The following PLEKHM2 variants were observed in gnomAD, a reference collection of about 807,000 sequenced individuals.
PLEKHM2 encodes pleckstrin homology domain-containing family M member 2.
Under a neutral mutation model 116.3 loss-of-function variants are expected in PLEKHM2, and 77 were observed. The observed-to-expected ratio is 0.66, with a 90% CI of 0.55 to 0.80. PLEKHM2 has a LOEUF of 0.80. PLEKHM2 is among the 30% of genes least tolerant of loss of function. The probability of loss-of-function intolerance (pLI) is 0.00; values close to 1 mark genes in which losing one functional copy is unlikely to be tolerated. For missense variants in PLEKHM2, 1,183 were observed against 1,354.9 expected (o/e 0.87, Z 1.99); for synonymous variants, 562 against 571.0 (o/e 0.98, Z 0.22).
At chr1:15,731,355 C>G in intron 16 of PLEKHM2, 98 bp downstream of exon 16, 1 of 906,968 alleles carries the variant, frequency 1.1e-6, no homozygotes, top group Non-Finnish European at 1.8e-6. Flanking sequence ...GCCTCGCCCT[C>G]AACCCCACCC....
intron 1 of PLEKHM2, among the ~76,000 whole-genome samples, chr1:15,698,698 C>T (rs969520843): frequency 7.2e-5 from 11 of 151,856 alleles, no homozygotes; most frequent in African/African-American, 2.2e-4. Context: ...CAGGTGCGCA[C>T]CACCACACCT....
Position 15,728,385 on chromosome 1 carries a change from G to A in PLEKHM2, c.1921+28G>A. 6.3e-7 allele frequency: 1 copy of A among 1,586,936 alleles called. No homozygotes were observed. Among genetic ancestry groups the A allele is most frequent in the Non-Finnish European group, 8.6e-7 (1 of 1,159,514 alleles). On this transcript the variant is annotated intron_variant, in intron 11 of 19. Coordinates refer to ENST00000375799, the MANE Select transcript of PLEKHM2 (RefSeq NM_015164.4). This position sits in a 1 kb window ranked among gnomAD's most constrained non-coding sequence, Gnocchi z 5.9. ...GCCCGCCGCCCCCGGGCAGACAGCGGGTTGTAGACGAGGCTGACTCTCAGC... is the reference window on the plus strand; with the variant it reads ...GCCCGCCGCCCCCGGGCAGACAGCGAGTTGTAGACGAGGCTGACTCTCAGC...
At chr1:15,709,030 G>A (rs1641277861) in intron 1 of PLEKHM2, among the ~76,000 whole-genome samples, 1 of 152,170 alleles carries the variant, frequency 6.6e-6, no homozygotes, top group Non-Finnish European at 1.5e-5. Flanking sequence ...AGTTTCGAGA[G>A]GTTAGGTAAC....
chr1:15,707,630 T>C (rs1414094150), intron 1 of PLEKHM2, among the ~76,000 whole-genome samples: 1 of 152,182 alleles, frequency 6.6e-6, no homozygotes, highest in African/African-American at 2.4e-5. Context: ...TCAGAACCAC[T>C]TGGCAGTCTG....
At position 15,733,951 on chromosome 1, in the gene PLEKHM2, G is replaced by A. The variant is rs373277994; in HGVS notation, c.*17G>A. On this transcript the variant is annotated 3_prime_UTR_variant, in exon 20 of 20. Coordinates refer to ENST00000375799, the MANE Select transcript of PLEKHM2 (RefSeq NM_015164.4). ...TGGTGCTGAGGCAGAGCTGGTTGGC[G>A]TCCCTGGTGGGCAGGAAAGGAAGGC... The A allele has an allele frequency of 3.7e-5, 60 of 1,605,796 alleles. 1 individual carries two copies. The Middle Eastern group carries it at 6.6e-4, about 18-fold the overall frequency.
chr1:15,726,346 A>G (rs77072244), intron 8 of PLEKHM2, among the ~76,000 whole-genome samples: 4,100 of 152,238 alleles, frequency 0.027, 182 homozygotes, highest in African/African-American at 0.09. Context: ...ACCCCCTCTT[A>G]AAACTTCACA....
intron 1 of PLEKHM2, among the ~76,000 whole-genome samples, chr1:15,697,041 G>A (rs141413697): frequency 6.6e-6 from 1 of 152,272 alleles, no homozygotes; most frequent in Non-Finnish European, 1.5e-5. Context: ...GGTGGGGGAG[G>A]CACTCATGAG....
intron 1 of PLEKHM2, among the ~76,000 whole-genome samples, chr1:15,703,668 A>G (rs1641163867): frequency 6.6e-6 from 1 of 152,202 alleles, no homozygotes; most frequent in Non-Finnish European, 1.5e-5. Context: ...AAGATCAGAG[A>G]GAGACGGGAC....
At position 15,732,596 on chromosome 1, in the gene PLEKHM2, G is replaced by C. The variant is rs1401764036; in HGVS notation, c.2806-16G>C. On this transcript the variant is annotated splice_polypyrimidine_tract_variant and intron_variant, in intron 18 of 19. Transcript: ENST00000375799. ...GAAAGCTCTGGCTGCTCACCCGGGGGCCTGGCTCTCCCTAGGAGTTCTCCC... is the reference window on the plus strand; with the variant it reads ...GAAAGCTCTGGCTGCTCACCCGGGGCCCTGGCTCTCCCTAGGAGTTCTCCC... 6.3e-6 allele frequency: 10 copies of C among 1,597,508 alleles called. No homozygotes were observed. Among genetic ancestry groups the C allele is most frequent in the Non-Finnish European group, 6.8e-6 (8 of 1,172,072 alleles).
intron 1 of PLEKHM2, among the ~76,000 whole-genome samples, chr1:15,698,071 A>G (rs574781382): frequency 2.6e-5 from 4 of 152,344 alleles, no homozygotes; most frequent in African/African-American, 9.6e-5. Context: ...CCTTTATGAC[A>G]GCTCTACACG....
rs763524736 is a variant in PLEKHM2 at position 15,725,462 on chromosome 1, C to T, written c.858C>T (p.Thr286=). Reference sequence around the variant, plus strand: ...AGACTGTGTCCTCCTCTGACACCACCCCCGTGCACACCACCTCTCAGGAGA... The same window carrying T: ...AGACTGTGTCCTCCTCTGACACCACTCCCGTGCACACCACCTCTCAGGAGA... ...PAETVSSSDT[T]PVHTTSQEKE... is the part of the protein sequence containing the mutation. The change falls in exon 8 of 20, where the codon ACC becomes ACT. Residue 286 remains threonine (T), a synonymous_variant. Coordinates refer to ENST00000375799, the MANE Select transcript of PLEKHM2 (RefSeq NM_015164.4). The T allele has an allele frequency of 2.2e-5, 34 of 1,576,838 alleles. No individual in the cohort carries two copies. In the Admixed American group the frequency reaches 3.6e-4, roughly 17 times the overall value.
Position 15,700,486 on chromosome 1 carries a change from C to G in PLEKHM2, c.61-15751C>G, listed in dbSNP as rs142792821. 8.9e-4 allele frequency among the ~76,000 whole-genome samples: 135 copies of G among 152,286 alleles called. 2 individuals carry two copies. The East Asian group carries it at 0.023, about 25-fold the overall frequency. On this transcript the variant is annotated intron_variant, in intron 1 of 19. Coordinates refer to ENST00000375799, the MANE Select transcript of PLEKHM2 (RefSeq NM_015164.4). ...CCTGTCTCCCTGGGCTCCGGTCTCC[C>G]TGCCTATAAAATGAGGGTTGTGGCT... is the stretch of plus-strand genomic sequence containing the variant.
At position 15,725,479 on chromosome 1, in the gene PLEKHM2, C is replaced by T; in HGVS notation, c.875C>T (p.Ser292Phe). Residue 292 changes from serine (S) to phenylalanine (F), a missense_variant, in exon 8 of 20, where the codon TCT (serine) becomes TTT (phenylalanine). By Grantham distance (155) the Ser-to-Phe change is radical (BLOSUM62 -2). Transcript: ENST00000375799. ...SSDTTPVHTT[S>F]QEKEEAQALD... ...GACACCACCCCCGTGCACACCACCT[C>T]TCAGGAGAAGGAGGAGGCCCAGGCC... The T allele has an allele frequency of 6.3e-7, 1 of 1,581,278 alleles. No homozygotes were observed. Among genetic ancestry groups the T allele is most frequent in the Non-Finnish European group, 8.6e-7 (1 of 1,164,574 alleles).
At chr1:15,731,100 C>A in intron 15 of PLEKHM2, 92 bp from the exon 16 acceptor site, 1 of 898,290 alleles carries the variant, frequency 1.1e-6, no homozygotes, top group Non-Finnish European at 1.8e-6. Context: ...ATGGCCGCAG[C>A]ATGTGCGTGG....
chr1:15,721,385 G>A lies in PLEKHM2; in HGVS notation c.709G>A (p.Glu237Lys), dbSNP rs1292003356. 3.8e-6 allele frequency: 6 copies of A among 1,563,342 alleles called. No individual in the cohort carries two copies. The highest frequency in any genetic ancestry group is 5.2e-6 in the Non-Finnish European group (6 of 1,150,834). The part of the protein sequence containing the change: ...AVPSVPSTDW[E>K]DGDLTDTVSG... ...GCCGTCTGTACCCAGCACAGACTGG[G>A]AAGGTGGGCCAGAGTCCGCTGTTAC... The change falls in exon 7 of 20, where the codon GAA (glutamate) becomes AAA (lysine). Residue 237 changes from glutamate (E) to lysine (K), a missense_variant. Around this residue, in one of 3 missense-constraint regions of PLEKHM2, gnomAD observed 372 missense variants for 357.2 expected, o/e 1.04. Coordinates refer to ENST00000375799, the MANE Select transcript of PLEKHM2 (RefSeq NM_015164.4). This position sits in a 1 kb window ranked among gnomAD's most constrained non-coding sequence, Gnocchi z 5.1.
intron 1 of PLEKHM2, among the ~76,000 whole-genome samples, chr1:15,695,734 A>C (rs777581799): frequency 1.5e-4 from 23 of 151,518 alleles, no homozygotes; most frequent in Non-Finnish European, 2.4e-4. Flanking sequence ...CTGGTCTCCA[A>C]CTCAGGTGAT....
In PLEKHM2 at chr1:15,727,409, C is replaced by T. The variant is rs761220316; in HGVS notation, c.1337C>T (p.Pro446Leu). Reference sequence around the variant, plus strand: ...CGGACCGGCTCTCCCGGGGATGCCCCGGAGAGGCCGCCGCTTTGCGACTTT... The same window carrying T: ...CGGACCGGCTCTCCCGGGGATGCCCTGGAGAGGCCGCCGCTTTGCGACTTT... ...SFRTGSPGDA[P>L]ERPPLCDFSE... is the part of the protein sequence containing the mutation. Residue 446 changes from proline (P) to leucine (L), a missense_variant, in exon 9 of 20, where the codon CCG (proline) becomes CTG (leucine). By Grantham distance (98) the Pro-to-Leu change is moderately conservative. Around this residue, in one of 3 missense-constraint regions of PLEKHM2, gnomAD observed 372 missense variants for 357.2 expected, o/e 1.04. Coordinates refer to ENST00000375799, the MANE Select transcript of PLEKHM2 (RefSeq NM_015164.4). This position sits in a 1 kb window ranked among gnomAD's most constrained non-coding sequence, Gnocchi z 7.5. The T allele has an allele frequency of 2.6e-5, 42 of 1,604,802 alleles. No individual in the cohort carries two copies. The highest frequency in any genetic ancestry group is 1.9e-4 in the South Asian group (17 of 89,898).
upstream of PLEKHM2, among the ~76,000 whole-genome samples, chr1:15,682,638 CAAAACAA>C (rs1640671252): frequency 1.4e-5 from 1 of 70,790 alleles, no homozygotes. Context: ...CAAAACAAAA[CAAAACAA>C]AAAAAACAAA....
chr1:15,690,064 T>G (rs1289689819), intron 1 of PLEKHM2, among the ~76,000 whole-genome samples: 2 of 146,446 alleles, frequency 1.4e-5, no homozygotes, highest in African/African-American at 5.3e-5. Flanking sequence ...CCGAGGTTTT[T>G]TTTTTTTTTG....
Sources: gnomAD v4.1 joint callset for allele counts (sites outside exome capture counted in the v4.1 genomes callset) on GRCh38, gnomAD v4.1.1 for gene constraint, gnomAD v4.1.1 regional missense constraint, Gnocchi (gnomAD v3.1) non-coding constraint, MANE v1.5 for transcripts, NCBI Gene and HGNC (gene_info 2026-07-23, HGNC 2026-07-21) for gene names.